Variants in MYO16 observed in about 807,000 individuals in gnomAD.
MYO16 encodes the protein myosin XVI.
In MYO16, 94 loss-of-function variants were observed where a neutral mutation model predicts 205.3. The ratio of observed to expected loss-of-function variants is 0.46; its 90% CI spans 0.39 to 0.54. The LOEUF is 0.54. Among genes scored for constraint, MYO16 ranks in the 20% least tolerant of loss-of-function variants. MYO16 has a pLI of 0.00. For missense variants in MYO16, 2,315 were observed against 2,387.5 expected (o/e 0.97, Z 0.63); for synonymous variants, 988 against 954.0 (o/e 1.04, Z -0.66).
At chr13:108,525,163 G>A in the MYO16 span, among the ~76,000 whole-genome samples, 1 of 152,074 alleles carries the variant, frequency 6.6e-6, no homozygotes, top group Non-Finnish European at 1.5e-5. Context: ...ACGAGATAAC[G>A]TGTGATGAGT....
At chr13:108,728,446 C>A (rs7327356) in intron 4 of MYO16, among the ~76,000 whole-genome samples, 9,893 of 151,976 alleles carry the variant, frequency 0.065, 1,039 homozygotes, top group African/African-American at 0.22. Context: ...CAATTACCGC[C>A]TAGTTGGTGG....
chr13:108,703,207 T>G (rs1926510), intron 2 of MYO16, among the ~76,000 whole-genome samples: 117,261 of 151,952 alleles, frequency 0.77, 45,436 homozygotes, highest in East Asian at 0.98. Context: ...GACACAAATT[T>G]GTTGAAAGTC....
intron 27 of MYO16, among the ~76,000 whole-genome samples, chr13:109,068,331 G>T (rs1471441770): frequency 6.6e-6 from 1 of 152,170 alleles, no homozygotes; most frequent in African/African-American, 2.4e-5. Flanking sequence ...CCTTTAGGAA[G>T]TGGGAAAGGT....
At chr13:108,996,366 A>G (rs1421619507) in intron 21 of MYO16, among the ~76,000 whole-genome samples, 1 of 152,218 alleles carries the variant, frequency 6.6e-6, no homozygotes, top group Non-Finnish European at 1.5e-5. Context: ...AAAGACATGT[A>G]CAACAGCTGA....
intron 16 of MYO16, among the ~76,000 whole-genome samples, chr13:108,955,626 G>A (rs1052922939): frequency 4.6e-5 from 7 of 152,306 alleles, no homozygotes; most frequent in South Asian, 2.1e-4. Context: ...AGGCCAAGGC[G>A]GGTGGATCAC....
intron 27 of MYO16, among the ~76,000 whole-genome samples, chr13:109,080,978 A>C (rs538431931): frequency 6.6e-6 from 1 of 152,264 alleles, no homozygotes; most frequent in African/African-American, 2.4e-5. Flanking sequence ...ACATAATATC[A>C]TACTAACAAT....
chr13:109,003,293 G>T (rs1885277368), intron 21 of MYO16, among the ~76,000 whole-genome samples: 2 of 152,018 alleles, frequency 1.3e-5, no homozygotes. Context: ...ATTTCTCTAC[G>T]GGATTTTAAT....
rs1280477260 is a variant in MYO16 at position 109,206,697 on chromosome 13, A to AAGAC, written c.5505_5508dup (p.Trp1837ArgfsTer10). 1 of 1,614,062 alleles carries AAGAC rather than the reference A, an allele frequency of 6.2e-7. No individual in the cohort carries two copies. Among genetic ancestry groups the AAGAC allele is most frequent in the East Asian group, 2.2e-5 (1 of 44,892 alleles). Reference sequence around the variant, plus strand: ...AGGAGAAAGCTCTGTGAGGAAGGACAAGACTGGCAGCAGATCCTGCACCAC... The same window carrying AAGAC: ...AGGAGAAAGCTCTGTGAGGAAGGACAAGACAGACTGGCAGCAGATCCTGCACCAC... On this transcript the variant is annotated frameshift_variant, in exon 35 of 35. Transcript: ENST00000457511. LOFTEE classifies it high-confidence loss of function.
intron 1 of MYO16, among the ~76,000 whole-genome samples, chr13:108,596,568 C>A (rs1429157613): frequency 1.3e-5 from 2 of 151,922 alleles, no homozygotes; most frequent in Non-Finnish European, 2.9e-5. Flanking sequence ...TGATTTTTTT[C>A]AGGTATAAAT....
intron 16 of MYO16, among the ~76,000 whole-genome samples, chr13:108,941,790 A>T (rs1007075214): frequency 6.6e-6 from 1 of 151,990 alleles, no homozygotes; most frequent in Non-Finnish European, 1.5e-5. Flanking sequence ...TTTTCCTGAA[A>T]CATTGATTCA....
At chr13:108,908,466 G>A (rs1881094766) in intron 15 of MYO16, among the ~76,000 whole-genome samples, 1 of 152,186 alleles carries the variant, frequency 6.6e-6, no homozygotes, top group East Asian at 1.9e-4. Context: ...TAAATTGGGA[G>A]ACATCACATT....
chr13:108,831,086 A>C (rs896180196), intron 9 of MYO16, among the ~76,000 whole-genome samples: 6 of 152,142 alleles, frequency 3.9e-5, no homozygotes, highest in Non-Finnish European at 8.8e-5. Context: ...AGTTTTATAG[A>C]GGCTTTAATC....
At chr13:108,639,065 T>C (rs1880385181) in intron 1 of MYO16, among the ~76,000 whole-genome samples, 2 of 152,218 alleles carry the variant, frequency 1.3e-5, no homozygotes, top group African/African-American at 4.8e-5. Context: ...GTTTCTGTGT[T>C]ACTCATTATG....
intron 24 of MYO16, chr13:109,048,674 C>T (rs1241031768): frequency 2.1e-5 from 5 of 238,950 alleles, no homozygotes; most frequent in Non-Finnish European, 4.0e-5. Flanking sequence ...CTGTGAAATA[C>T]TTTGATGCTT....
intron 28 of MYO16, among the ~76,000 whole-genome samples, chr13:109,114,663 T>C (rs572800734): frequency 6.6e-6 from 1 of 152,348 alleles, no homozygotes; most frequent in East Asian, 1.9e-4. Context: ...ATTGTACTAT[T>C]ATTCCGAAAT....
At chr13:108,842,313 C>A (rs1877285742) in intron 9 of MYO16, among the ~76,000 whole-genome samples, 1 of 151,894 alleles carries the variant, frequency 6.6e-6, no homozygotes, top group African/African-American at 2.4e-5. Context: ...AATTGCAAAC[C>A]ATATACTTAG....
chr13:108,803,448 G>A (rs76266612), intron 6 of MYO16, among the ~76,000 whole-genome samples: 10 of 152,280 alleles, frequency 6.6e-5, no homozygotes, highest in African/African-American at 1.9e-4. Context: ...TAAATGAAAC[G>A]AACAGGCTGT....
Position 108,866,165 on chromosome 13 carries a change from C to CT in MYO16, c.1360-6dup. ...TATGACTCATGAACTGTTTGCATCC[C>CT]TTTTTTCACAGACATTCATTGGAGA... On this transcript the variant is annotated splice_polypyrimidine_tract_variant and intron_variant, in intron 11 of 34. Coordinates refer to ENST00000457511, the MANE Select transcript of MYO16 (RefSeq NM_001198950.3). The CT allele has an allele frequency of 1.3e-6, 2 of 1,589,660 alleles. No individual in the cohort carries two copies. The highest frequency in any genetic ancestry group is 1.1e-5 in the South Asian group (1 of 87,812).
intron 27 of MYO16, among the ~76,000 whole-genome samples, chr13:109,097,758 T>A (rs35461383): frequency 0.16 from 24,635 of 152,202 alleles, 2,144 homozygotes; most frequent in Middle Eastern, 0.19. Context: ...TTACTTACCA[T>A]TTTTTGTATT....
Sources: allele counts gnomAD v4.1 joint callset (sites outside exome capture counted in the v4.1 genomes callset), GRCh38; gene constraint gnomAD v4.1.1; transcripts MANE v1.5; gene names NCBI Gene and HGNC (gene_info 2026-07-23, HGNC 2026-07-21).